ABCA1: variants seen among roughly 807,000 people sequenced by gnomAD.
ABCA1 encodes phospholipid-transporting ATPase ABCA1.
Under a neutral mutation model 262.5 loss-of-function variants are expected in ABCA1, and 133 were observed. The observed-to-expected ratio is 0.51, with a 90% CI of 0.44 to 0.59. The LOEUF (loss-of-function observed/expected upper bound fraction) is 0.59, where lower values mean the gene tolerates loss of function less well. ABCA1 is among the 20% of genes least tolerant of loss of function. The pLI is 0.00. For missense variants in ABCA1, 2,452 were observed against 2,777.5 expected, an observed-to-expected ratio of 0.88 and a Z score of 2.63; for synonymous variants, 1,022 against 1,043.5, an observed-to-expected ratio of 0.98 and a Z score of 0.40.
At chr9:104,793,120 T>G (rs1829574017) in intron 41 of ABCA1, 51 bp downstream of exon 41, 1 of 1,611,988 alleles carries the variant, frequency 6.2e-7, no homozygotes, top group Non-Finnish European at 8.5e-7. Flanking sequence ...CCTGTGCGCC[T>G]CCTCTGTGAC....
At chr9:104,874,180 A>G (rs772635854) in intron 5 of ABCA1, among the ~76,000 whole-genome samples, 18 of 152,316 alleles carry the variant, frequency 1.2e-4, no homozygotes, top group Non-Finnish European at 2.2e-4. Flanking sequence ...CCTTTTCCCT[A>G]AGTAAAATCC....
chr9:104,853,043 C>T (rs1835516631), intron 7 of ABCA1, among the ~76,000 whole-genome samples: 1 of 152,208 alleles, frequency 6.6e-6, no homozygotes, highest in Non-Finnish European at 1.5e-5. Context: ...TATCCATCTG[C>T]TTCTTCGATC....
intron 1 of ABCA1, among the ~76,000 whole-genome samples, chr9:104,909,332 G>A (rs1841357206): frequency 6.6e-6 from 1 of 152,110 alleles, no homozygotes; most frequent in Admixed American, 6.5e-5. Context: ...ATGGGAAACA[G>A]ACAAATAATA....
At chr9:104,825,913 A>G (rs1302603654) in intron 16 of ABCA1, 26 bp from the exon 17 acceptor site, 1 of 1,610,724 alleles carries the variant, frequency 6.2e-7, no homozygotes, top group Admixed American at 1.7e-5. Flanking sequence ...AAAGTCACCT[A>G]TCCATTTCCT....
intron 5 of ABCA1, 83 bp downstream of exon 5, chr9:104,882,956 G>A: frequency 7.7e-7 from 1 of 1,305,778 alleles, no homozygotes; most frequent in South Asian, 1.2e-5. Flanking sequence ...ATGGGAACAA[G>A]CCCCAGACAC....
At chr9:104,922,174 G>A (rs1042005451) in intron 1 of ABCA1, among the ~76,000 whole-genome samples, 2 of 152,138 alleles carry the variant, frequency 1.3e-5, no homozygotes, top group Admixed American at 1.3e-4. Flanking sequence ...GCTATTTGTG[G>A]TCTTCGTAGA....
intron 7 of ABCA1, among the ~76,000 whole-genome samples, chr9:104,849,984 G>A: frequency 6.6e-6 from 1 of 152,216 alleles, no homozygotes; most frequent in Non-Finnish European, 1.5e-5. Flanking sequence ...ACATCCAACT[G>A]CAAGACAAGA....
chr9:104,821,042 A>C lies in ABCA1; in HGVS notation c.2960+333T>G, dbSNP rs192139555. ...GGCGGATCACGAGGTCAAGACATTG[A>C]GACCATCCTGGCCAACATGGTGAAA... On this transcript the variant is annotated intron_variant, in intron 20 of 49. Coordinates refer to ENST00000374736, the MANE Select transcript of ABCA1 (RefSeq NM_005502.4). Among the ~76,000 whole-genome samples, 211 of 152,324 alleles carry C rather than the reference A, an allele frequency of 1.4e-3. 1 individual carries two copies. Among genetic ancestry groups the C allele is most frequent in the South Asian group, 2.7e-3 (13 of 4,824 alleles).
intron 7 of ABCA1, chr9:104,855,796 C>CT (rs748274326): frequency 6.3e-7 from 1 of 1,581,612 alleles, no homozygotes; most frequent in Non-Finnish European, 8.6e-7. Context: ...CACTGCCATA[C>CT]TTTCCCCATG....
intron 21 of ABCA1, 52 bp downstream of exon 21, chr9:104,819,875 T>A: frequency 6.2e-7 from 1 of 1,609,148 alleles, no homozygotes; most frequent in Non-Finnish European, 8.5e-7. Context: ...TCCGCATGTG[T>A]GTAGCCGGAG....
At chr9:104,920,713 T>G (rs1042482917) in intron 1 of ABCA1, among the ~76,000 whole-genome samples, 1 of 152,208 alleles carries the variant, frequency 6.6e-6, no homozygotes, top group Non-Finnish European at 1.5e-5. Flanking sequence ...GGTTTCACCA[T>G]GCTGGTCAGG....
At chr9:104,856,079 T>C (rs1445911082) in intron 7 of ABCA1, 1 of 1,597,914 alleles carries the variant, frequency 6.3e-7, no homozygotes, top group Non-Finnish European at 8.6e-7. Flanking sequence ...TCATCACATG[T>C]CACATCCATC....
In ABCA1 at chr9:104,862,689, C is replaced by CAGGGCAGGGCAGGGCAGGGCA. The variant is rs1836696985; in HGVS notation, c.422-890_422-889insTGCCCTGCCCTGCCCTGCCCT. ...CGGGCCGGGCCGGGCCGGGCCGGGC[C>CAGGGCAGGGCAGGGCAGGGCA]GGGCCGGGCCGGCCCCCACCCCCAC... is the stretch of plus-strand genomic sequence containing the variant. On this transcript the variant is annotated intron_variant, in intron 5 of 49. Transcript: ENST00000374736. 1.5e-3 allele frequency among the ~76,000 whole-genome samples: 5 copies of CAGGGCAGGGCAGGGCAGGGCA among 3,318 alleles called. 1 individual carries two copies. Among genetic ancestry groups the CAGGGCAGGGCAGGGCAGGGCA allele is most frequent in the African/African-American group, 5.4e-3 (5 of 926 alleles). The allele number at this position is 3,318 out of a possible 152,430, so 2.2% of individuals were successfully genotyped here.
chr9:104,901,848 AAAT>A (rs1840692000), intron 2 of ABCA1, among the ~76,000 whole-genome samples: 1 of 152,236 alleles, frequency 6.6e-6, no homozygotes, highest in Admixed American at 6.5e-5. Flanking sequence ...CAACATGTGG[AAAT>A]AACAGTACAT....
At chr9:104,819,479 G>A (rs1187968448) in intron 22 of ABCA1, 107 bp downstream of exon 22, 1 of 1,483,148 alleles carries the variant, frequency 6.7e-7, no homozygotes, top group East Asian at 2.3e-5. Flanking sequence ...TAACAGAAGA[G>A]TATCCCATGG....
At chr9:104,789,780 T>C (rs115963220) in intron 44 of ABCA1, among the ~76,000 whole-genome samples, 6,441 of 150,540 alleles carry the variant, frequency 0.043, 401 homozygotes, top group African/African-American at 0.14. Context: ...GCCACTGCCT[T>C]GTACTATCTC....
chr9:104,812,261 A>G (rs1831342666), intron 28 of ABCA1, among the ~76,000 whole-genome samples: 1 of 152,248 alleles, frequency 6.6e-6, no homozygotes, highest in Non-Finnish European at 1.5e-5. Context: ...TAAAAATAAC[A>G]TATACACACA....
chr9:104,906,407 T>C (rs1588566704), intron 1 of ABCA1, among the ~76,000 whole-genome samples: 2 of 152,142 alleles, frequency 1.3e-5, no homozygotes, highest in East Asian at 1.9e-4. Flanking sequence ...GGAAGTAAAG[T>C]GTCTGGGTTT....
At chr9:104,816,382 T>C (rs1564120981) in intron 24 of ABCA1, 37 bp from the exon 25 acceptor site, 1 of 1,601,680 alleles carries the variant, frequency 6.2e-7, no homozygotes, top group Non-Finnish European at 8.5e-7. Flanking sequence ...CTCAATCAAC[T>C]CAGAGGGGCT....
Sources: gnomAD v4.1 joint callset for allele counts (sites outside exome capture counted in the v4.1 genomes callset) on GRCh38, gnomAD v4.1.1 for gene constraint, MANE v1.5 for transcripts, NCBI Gene and HGNC (gene_info 2026-07-23, HGNC 2026-07-21) for gene names.